The following KIAA0319 variants were observed in gnomAD, a reference collection of about 807,000 sequenced individuals.
KIAA0319 encodes KIAA0319.
In KIAA0319, 83 loss-of-function variants were observed where a neutral mutation model predicts 108.4. That is an observed-to-expected ratio of 0.77 (90% CI 0.64 to 0.92). The LOEUF (loss-of-function observed/expected upper bound fraction) is 0.92, where lower values mean the gene tolerates loss of function less well. KIAA0319 is among the 40% of genes least tolerant of loss of function. The pLI, the probability that KIAA0319 is intolerant of heterozygous loss-of-function variation, is 0.00. For synonymous variants in KIAA0319, 484 were observed against 510.4 expected, an observed-to-expected ratio of 0.95 and a Z score of 0.70; for missense variants, 1,195 against 1,322.4, an observed-to-expected ratio of 0.90 and a Z score of 1.49.
intron 8 of KIAA0319, among the ~76,000 whole-genome samples, chr6:24,578,529 C>G (rs1261852349): frequency 2.0e-5 from 3 of 152,178 alleles, no homozygotes; most frequent in African/African-American, 7.2e-5. Flanking sequence ...CAGGAGTCAA[C>G]AAAATGCAGC....
At chr6:24,578,638 C>G (rs1271018205) in intron 8 of KIAA0319, among the ~76,000 whole-genome samples, 4 of 152,210 alleles carry the variant, frequency 2.6e-5, no homozygotes, top group Non-Finnish European at 5.9e-5. Context: ...AGTTGCCTTT[C>G]TACAACTTAC....
intron 1 of KIAA0319, among the ~76,000 whole-genome samples, chr6:24,613,839 G>C (rs572419084): frequency 6.6e-6 from 1 of 152,034 alleles, no homozygotes; most frequent in Non-Finnish European, 1.5e-5. Context: ...TTTCAGAGCC[G>C]GCTAACAGCT....
chr6:24,570,690 G>A (rs1764603927), intron 11 of KIAA0319, among the ~76,000 whole-genome samples: 1 of 148,426 alleles, frequency 6.7e-6, no homozygotes, highest in Admixed American at 6.7e-5. Context: ...GGAAGGAAGG[G>A]AGGGAGGAAG....
Position 24,563,384 on chromosome 6 carries a change from T to C in KIAA0319, c.2566A>G (p.Lys856Glu), listed in dbSNP as rs1417877681. 1 of 1,613,516 alleles carries C rather than the reference T, an allele frequency of 6.2e-7. No individual in the cohort carries two copies. The highest frequency in any genetic ancestry group is 8.5e-7 in the Non-Finnish European group (1 of 1,179,798). Reference protein sequence around the residue: ...NVLDSDIKVQKIRAHSDLSTV... With the variant: ...NVLDSDIKVQEIRAHSDLSTV... ...CTGAGATCCGAGTGGGCCCGAATCT[T>C]CTGGACCTTAATGTCCGAGTCCAGC... Residue 856 changes from lysine to glutamate, a missense_variant, in exon 16 of 21, where the codon AAG becomes GAG. Coordinates refer to ENST00000378214, the MANE Select transcript of KIAA0319 (RefSeq NM_014809.4).
intron 18 of KIAA0319, among the ~76,000 whole-genome samples, chr6:24,555,766 T>C (rs1762199380): frequency 6.6e-6 from 1 of 152,198 alleles, no homozygotes; most frequent in African/African-American, 2.4e-5. Flanking sequence ...TTTTGGTGCC[T>C]GCCTGTGTGA....
Position 24,599,902 on chromosome 6 carries a change from C to T in KIAA0319, c.55+1147G>A, listed in dbSNP as rs114017885. 1,387 of 312,920 alleles carry T rather than the reference C, an allele frequency of 4.4e-3. 21 individuals carry two copies. The highest frequency in any genetic ancestry group is 0.029 in the African/African-American group (1,282 of 44,974). 19.4% of individuals were successfully genotyped at this position (312,920 alleles called of 1,614,324 possible). ...AACAGGAGACCCACCTGAGGCTCAG[C>T]GCTCGCCCTCAGCCGACCCGCGGGA... On this transcript the variant is annotated intron_variant, in intron 2 of 20. Coordinates refer to ENST00000378214, the MANE Select transcript of KIAA0319 (RefSeq NM_014809.4). The surrounding 1 kb of genome is among the most constrained non-coding windows in gnomAD (Gnocchi z 4.1).
chr6:24,549,326 C>CAAAAAA (rs35975247), intron 20 of KIAA0319, among the ~76,000 whole-genome samples: 2 of 115,612 alleles, frequency 1.7e-5, no homozygotes, highest in African/African-American at 3.2e-5. Context: ...ACTCTGTCTC[C>CAAAAAA]AAAAAAAAAA....
At chr6:24,639,495 T>C (rs1776638488) in intron 1 of KIAA0319, among the ~76,000 whole-genome samples, 1 of 152,240 alleles carries the variant, frequency 6.6e-6, no homozygotes, top group Admixed American at 6.5e-5. Context: ...CATATATTCT[T>C]ACTAAAAGAG....
chr6:24,629,379 G>T (rs1226859967), intron 1 of KIAA0319, among the ~76,000 whole-genome samples: 2 of 151,798 alleles, frequency 1.3e-5, no homozygotes, highest in African/African-American at 4.8e-5. Flanking sequence ...GCCAGGTGCG[G>T]TGGCAGGCGC....
chr6:24,598,399 T>G (rs533292731), intron 2 of KIAA0319: 4 of 607,346 alleles, frequency 6.6e-6, no homozygotes, highest in South Asian at 5.6e-5. Flanking sequence ...GGAGACCAAC[T>G]GGAGCCTCCT....
chr6:24,603,069 T>C (rs1265336461), intron 1 of KIAA0319, among the ~76,000 whole-genome samples: 2 of 152,236 alleles, frequency 1.3e-5, no homozygotes. Context: ...GAGAAGAAAG[T>C]GGTAAATCTT....
chr6:24,620,015 G>A (rs1424254200), intron 1 of KIAA0319, among the ~76,000 whole-genome samples: 3 of 152,138 alleles, frequency 2.0e-5, no homozygotes, highest in Non-Finnish European at 1.5e-5. Context: ...CTAAAATCCT[G>A]TTTTGTGTTT....
chr6:24,629,289 G>A (rs1021356426), intron 1 of KIAA0319, among the ~76,000 whole-genome samples: 5 of 152,012 alleles, frequency 3.3e-5, no homozygotes, highest in African/African-American at 1.2e-4. Flanking sequence ...GCCAAGGAGG[G>A]AGGATCACGA....
intron 11 of KIAA0319, among the ~76,000 whole-genome samples, chr6:24,571,378 CAA>C (rs34896696): frequency 0.12 from 14,598 of 118,700 alleles, 616 homozygotes; most frequent in South Asian, 0.17. Context: ...CCCTGTCTCA[CAA>C]AAAAAAAAAA....
At chr6:24,582,456 T>G in intron 5 of KIAA0319, 110 bp from the exon 6 acceptor site, 1 of 531,164 alleles carries the variant, frequency 1.9e-6, no homozygotes, top group South Asian at 3.1e-5. Flanking sequence ...TTACCTTAGA[T>G]ATACTCAACT....
chr6:24,578,275 A>G (rs1177315062), intron 8 of KIAA0319, 33 bp from the exon 9 acceptor site: 1 of 1,489,592 alleles, frequency 6.7e-7, no homozygotes. Context: ...CAAGAATGAA[A>G]TACAAGAAGA....
chr6:24,591,143 C>G (rs891076297), intron 3 of KIAA0319, among the ~76,000 whole-genome samples: 1 of 152,150 alleles, frequency 6.6e-6, no homozygotes, highest in Non-Finnish European at 1.5e-5. Context: ...TCCTAGATAC[C>G]CTGTTCAATG....
At chr6:24,583,319 G>C in intron 5 of KIAA0319, 1 of 865,498 alleles carries the variant, frequency 1.2e-6, no homozygotes, top group Non-Finnish European at 1.5e-6. Context: ...GAACTGGTAC[G>C]TGGCAGCCTC....
intron 4 of KIAA0319, among the ~76,000 whole-genome samples, chr6:24,585,358 C>T (rs1410547211): frequency 6.6e-6 from 1 of 151,710 alleles, no homozygotes; most frequent in Non-Finnish European, 1.5e-5. Flanking sequence ...AAGCTACATG[C>T]CTTCCTTATA....
Sources: allele counts gnomAD v4.1 joint callset (sites outside exome capture counted in the v4.1 genomes callset), GRCh38; gene constraint gnomAD v4.1.1; non-coding constraint Gnocchi (gnomAD v3.1); transcripts MANE v1.5; gene names NCBI Gene and HGNC (gene_info 2026-07-23, HGNC 2026-07-21).